Variants in SOS1 observed in about 807,000 individuals in gnomAD.
SOS1 encodes son of sevenless homolog 1.
Under a neutral mutation model 157.6 loss-of-function variants are expected in SOS1, and 25 were observed. That is an observed-to-expected ratio of 0.16 (90% confidence interval 0.12 to 0.22). The LOEUF (loss-of-function observed/expected upper bound fraction) is 0.22. SOS1 is among the 10% of genes least tolerant of loss of function. The probability of loss-of-function intolerance (pLI) is 1.00; values close to 1 mark genes in which losing one functional copy is unlikely to be tolerated. For synonymous variants in SOS1, 528 were observed against 534.0 expected (o/e 0.99, Z 0.16); for missense variants, 1,237 against 1,599.1 (o/e 0.77, Z 3.86).
intron 1 of SOS1, among the ~76,000 whole-genome samples, chr2:39,113,237 C>A (rs1673507679): frequency 6.6e-6 from 1 of 152,076 alleles, no homozygotes; most frequent in Admixed American, 6.5e-5. Flanking sequence ...GTAACCCAGG[C>A]TGGAGTGCAG....
chr2:38,997,538 G>C (rs1668936586), intron 17 of SOS1, 113 bp from the exon 18 acceptor site: 3 of 640,074 alleles, frequency 4.7e-6, no homozygotes, highest in Admixed American at 5.4e-5. Context: ...CAAAACAAAA[G>C]AACCAAGGCT....
At chr2:39,113,373 T>TC (rs1673512905) in intron 1 of SOS1, among the ~76,000 whole-genome samples, 1 of 150,460 alleles carries the variant, frequency 6.6e-6, no homozygotes. Context: ...TTTTTTTTTT[T>TC]CCCTTGTAGA....
intron 1 of SOS1, among the ~76,000 whole-genome samples, chr2:39,109,923 T>C (rs868365329): frequency 5.3e-5 from 8 of 152,100 alleles, no homozygotes; most frequent in African/African-American, 1.9e-4. Context: ...AATTGGAGTA[T>C]TACACTACCT....
intron 12 of SOS1, 115 bp downstream of exon 12, chr2:39,013,752 T>A: frequency 2.1e-5 from 20 of 968,650 alleles, no homozygotes; most frequent in Non-Finnish European, 3.3e-5. Flanking sequence ...TTAGTAAATT[T>A]AATTTACTAA....
chr2:39,095,844 G>C (rs762860192), intron 1 of SOS1, among the ~76,000 whole-genome samples: 4 of 152,162 alleles, frequency 2.6e-5, no homozygotes, highest in Non-Finnish European at 4.4e-5. Flanking sequence ...GTGTGTAGAA[G>C]TCTAGGTATG....
At chr2:39,110,950 A>T (rs953781281) in intron 1 of SOS1, among the ~76,000 whole-genome samples, 14 of 152,086 alleles carry the variant, frequency 9.2e-5, no homozygotes, top group Non-Finnish European at 1.6e-4. Context: ...AAAATACAAA[A>T]ATGGGCCAGG....
At chr2:39,032,061 T>C (rs997106806) in intron 8 of SOS1, among the ~76,000 whole-genome samples, 11 of 152,206 alleles carry the variant, frequency 7.2e-5, no homozygotes, top group African/African-American at 2.4e-4. Flanking sequence ...AATAGGATCT[T>C]TTGATAGATG....
chr2:39,072,151 G>C (rs944013657), intron 1 of SOS1, among the ~76,000 whole-genome samples: 1 of 152,008 alleles, frequency 6.6e-6, no homozygotes, highest in Non-Finnish European at 1.5e-5. Context: ...TACTCTTACT[G>C]GGTTAATCCC....
At chr2:39,098,553 A>G (rs1672854567) in intron 1 of SOS1, 1 of 152,410 alleles carries the variant, frequency 6.6e-6, no homozygotes, top group South Asian at 2.1e-4. Flanking sequence ...GGGAAAAAAT[A>G]CTTGCGATTC....
At chr2:39,015,384 A>G (rs1283373318) in intron 10 of SOS1, among the ~76,000 whole-genome samples, 1 of 152,052 alleles carries the variant, frequency 6.6e-6, no homozygotes, top group Admixed American at 6.6e-5. Context: ...AAATCTCACA[A>G]CTACTTAAAG....
intron 8 of SOS1, among the ~76,000 whole-genome samples, chr2:39,033,483 T>A (rs1342766368): frequency 1.3e-5 from 2 of 152,190 alleles, no homozygotes; most frequent in African/African-American, 4.8e-5. Context: ...TTGGGTTTTA[T>A]AGCCTTCTGA....
At chr2:39,055,632 T>C (rs1317070391) in intron 4 of SOS1, among the ~76,000 whole-genome samples, 1 of 152,150 alleles carries the variant, frequency 6.6e-6, no homozygotes, top group Non-Finnish European at 1.5e-5. Context: ...AACAAATAAA[T>C]ACTAAAACAT....
At chr2:39,091,443 G>A (rs1672591087) in intron 1 of SOS1, among the ~76,000 whole-genome samples, 1 of 151,906 alleles carries the variant, frequency 6.6e-6, no homozygotes, top group South Asian at 2.1e-4. Context: ...CTTTCCCATA[G>A]GTATAAATAA....
At chr2:39,052,020 A>AT (rs1558489861) in intron 5 of SOS1, among the ~76,000 whole-genome samples, 1 of 152,106 alleles carries the variant, frequency 6.6e-6, no homozygotes, top group Admixed American at 6.5e-5. Flanking sequence ...AAAACCTATG[A>AT]TTTTTTTGGA....
rs1382391291 is a variant in SOS1, at chr2:39,088,875, A to T, written c.88-21122T>A. On this transcript the variant is annotated intron_variant, in intron 1 of 22. Transcript: ENST00000402219. ...TAGTAATTCTATATTTAGTTTTTTG[A>T]TGAACTGCCATACTGTTTTTTACAG... 2.6e-5 allele frequency among the ~76,000 whole-genome samples: 4 copies of T among 152,158 alleles called. No homozygotes were observed. The East Asian group carries it at 7.7e-4, about 29-fold the overall frequency.
chr2:38,989,123 GC>G (rs1313101869), intron 21 of SOS1, 146 bp downstream of exon 21: 1 of 631,646 alleles, frequency 1.6e-6, no homozygotes, highest in Non-Finnish European at 2.9e-6. Flanking sequence ...TCTAAAGATA[GC>G]ACAAGTGAAG....
chr2:39,065,834 T>C (rs1433318929), intron 2 of SOS1, among the ~76,000 whole-genome samples: 1 of 152,190 alleles, frequency 6.6e-6, no homozygotes, highest in African/African-American at 2.4e-5. Context: ...GTGCTGATGA[T>C]TCAACAGTGA....
Position 39,106,316 on chromosome 2 carries a change from C to T in SOS1, c.87+14020G>A, listed in dbSNP as rs542263466. 4.6e-5 allele frequency among the ~76,000 whole-genome samples: 7 copies of T among 152,100 alleles called. No homozygotes were observed. In the South Asian group the frequency reaches 1.2e-3, roughly 27 times the overall value. On this transcript the variant is annotated intron_variant, in intron 1 of 22. Transcript: ENST00000402219. ...CTTAAATAACATCTGAGTGGCCGGG[C>T]GCGGTGGCTCACGCCTGTAATCCCA...
chr2:39,106,483 T>C (rs1363805073), intron 1 of SOS1, among the ~76,000 whole-genome samples: 2 of 146,666 alleles, frequency 1.4e-5, no homozygotes, highest in Admixed American at 6.9e-5. Flanking sequence ...CCCAGCTACT[T>C]GGGAGGCTGA....
Sources: gnomAD v4.1 joint callset for allele counts (sites outside exome capture counted in the v4.1 genomes callset) on GRCh38, gnomAD v4.1.1 for gene constraint, MANE v1.5 for transcripts, NCBI Gene and HGNC (gene_info 2026-07-23, HGNC 2026-07-21) for gene names.